CHTF18: variants seen among roughly 807,000 people sequenced by gnomAD.
CHTF18 encodes the protein chromosome transmission fidelity factor 18, also known as chromosome transmission fidelity protein 18 homolog.
CHTF18 carries 151 observed loss-of-function variants against 113.4 expected under a neutral mutation model. The ratio of observed to expected loss-of-function variants is 1.33; its 90% CI spans 1.17 to 1.52. The LOEUF is 1.52. Ranked by LOEUF, CHTF18 falls within the 40% of genes most tolerant of loss-of-function variation. The pLI is 0.00. For missense variants in CHTF18, 1,982 were observed against 1,381.6 expected, an observed-to-expected ratio of 1.43 and a Z score of -6.89; for synonymous variants, 916 against 598.8, an observed-to-expected ratio of 1.53 and a Z score of -7.74.
intron 16 of CHTF18, 93 bp downstream of exon 16, chr16:795,449 CCAAACACACTGCCCG>C (rs1567403753): frequency 4.4e-5 from 22 of 505,358 alleles, no homozygotes; most frequent in Admixed American, 3.7e-4. Context: ...GCCCGCCCCC[CCAAACACACTGCCCG>C]TGTGGCTGCC....
At position 788,950 on chromosome 16, in the gene CHTF18, C is replaced by T. The variant is rs777485003; in HGVS notation, c.111C>T (p.Pro37=). The T allele has an allele frequency of 1.3e-6, 2 of 1,562,648 alleles. No individual in the cohort carries two copies. Among genetic ancestry groups the T allele is most frequent in the Middle Eastern group, 2.3e-4 (1 of 4,394 alleles). The stretch of plus-strand genomic sequence containing the variant: ...CAGCAGGGGCGTCGACTCCGTCGCC[C>T]TCCGGGGTCCCCCTGTTCACCGCGG... ...AELEGASTPS[P]SGVPLFTAGR... The change falls in exon 2 of 22, where the codon CCC becomes CCT. Residue 37 remains proline, a synonymous_variant. Transcript: ENST00000262315.
chr16:789,039 C>T lies in CHTF18; in HGVS notation c.200C>T (p.Pro67Leu), dbSNP rs1357548312. 40 of 1,539,136 alleles carry T rather than the reference C, an allele frequency of 2.6e-5. No individual in the cohort carries two copies. Among genetic ancestry groups the T allele is most frequent in the East Asian group, 1.2e-4 (5 of 40,942 alleles). The change falls in exon 2 of 22, where the codon CCA becomes CTA. Residue 67 changes from proline (P) to leucine (L), a missense_variant. Transcript: ENST00000262315. ...ARGDAASSPA[P>L]AASVGSSQGG... ...GGGGACGCGGCCTCCAGTCCCGCCC[C>T]AGCCGCATCTGTGGGCAGCAGCCAG... is the stretch of plus-strand genomic sequence containing the variant.
At chr16:790,702 C>A (rs139716378) in intron 7 of CHTF18, 36 bp downstream of exon 7, 1 of 1,496,638 alleles carries the variant, frequency 6.7e-7, no homozygotes, top group Non-Finnish European at 8.8e-7. Flanking sequence ...TGGCTGGCTT[C>A]CTCTGTTCCC....
Position 789,535 on chromosome 16 carries a change from G to A in CHTF18, c.438-12G>A. The A allele has an allele frequency of 6.3e-7, 1 of 1,587,786 alleles. No individual in the cohort carries two copies. The highest frequency in any genetic ancestry group is 8.6e-7 in the Non-Finnish European group (1 of 1,166,488). On this transcript the variant is annotated splice_polypyrimidine_tract_variant and intron_variant, in intron 3 of 21. Coordinates refer to ENST00000262315, the MANE Select transcript of CHTF18 (RefSeq NM_022092.3). ...CTTGAGTTTCTGCCACTGAGCCCCG[G>A]TCTCTCTCCAGAGTCTCAGAAGCTG...
chr16:790,240 G>T lies in CHTF18; in HGVS notation c.670G>T (p.Ala224Ser). The change falls in exon 5 of 22, where the codon GCC becomes TCC. Residue 224 changes from alanine (A) to serine (S), a missense_variant. Ala to Ser is a moderately conservative substitution (Grantham distance 99). Coordinates refer to ENST00000262315, the MANE Select transcript of CHTF18 (RefSeq NM_022092.3). ...GQLDLLGVSLASLKKQVDGER... is the reference protein window; with the variant it reads ...GQLDLLGVSLSSLKKQVDGER... ...GCTGGACCTGCTGGGTGTGTCCTTAGCCTCCCTGAAGAAGCAGGTCGACGG... is the reference window on the plus strand; with the variant it reads ...GCTGGACCTGCTGGGTGTGTCCTTATCCTCCCTGAAGAAGCAGGTCGACGG... The T allele has an allele frequency of 1.2e-6, 2 of 1,606,866 alleles. No individual in the cohort carries two copies. Among genetic ancestry groups the T allele is most frequent in the Non-Finnish European group, 1.7e-6 (2 of 1,177,598 alleles).
chr16:792,768 T>A lies in CHTF18; in HGVS notation c.1529T>A (p.Phe510Tyr), dbSNP rs773993658. The change falls in exon 12 of 22, where the codon TTC becomes TAC. Residue 510 changes from phenylalanine to tyrosine, a missense_variant. Coordinates refer to ENST00000262315, the MANE Select transcript of CHTF18 (RefSeq NM_022092.3). ...QLKQQAFLLH[F>Y]PPTLPSRLVQ... The stretch of plus-strand genomic sequence containing the variant: ...AAGCAGCAGGCCTTCCTGCTCCACT[T>A]CCCGCCGACTCTGCCCTCGAGGCTG... 1.2e-5 allele frequency: 18 copies of A among 1,547,502 alleles called. No individual in the cohort carries two copies. The highest frequency in any genetic ancestry group is 1.4e-5 in the Non-Finnish European group (16 of 1,150,740).
At position 793,342 on chromosome 16, in the gene CHTF18, T is replaced by C. The variant is rs2042254197; in HGVS notation, c.1802+68T>C. 21 of 1,562,868 alleles carry C rather than the reference T, an allele frequency of 1.3e-5. No homozygotes were observed. The South Asian group carries it at 2.4e-4, about 18-fold the overall frequency. On this transcript the variant is annotated intron_variant, in intron 14 of 21. Coordinates refer to ENST00000262315, the MANE Select transcript of CHTF18 (RefSeq NM_022092.3). ...CGGACCTCAGGACGCTAGCCCTGTG[T>C]GCAGGCCAGCACTACCTTCGAGGCG... is the stretch of plus-strand genomic sequence containing the variant.
At chr16:797,246 A>G (rs1026615011) in intron 20 of CHTF18, among the ~76,000 whole-genome samples, 154 bp downstream of exon 20, 1 of 140,124 alleles carries the variant, frequency 7.1e-6, no homozygotes, top group Non-Finnish European at 1.5e-5. Context: ...GGGCCAGGGT[A>G]CCTTCAGGGC....
Position 795,967 on chromosome 16 carries a change from C to T in CHTF18, c.2346C>T (p.Ser782=), listed in dbSNP as rs770639775. 1 of 1,609,588 alleles carries T rather than the reference C, an allele frequency of 6.2e-7. No individual in the cohort carries two copies. Among genetic ancestry groups the T allele is most frequent in the Non-Finnish European group, 8.5e-7 (1 of 1,178,630 alleles). ...KLRPVSTQLY[S]TREKQQLASL... is the part of the protein sequence containing the mutation. ...CCTAGGTGAGCACACAGCTGTACAG[C>T]ACCCGTGAAAAGCAACAGCTGGCCA... is the stretch of plus-strand genomic sequence containing the variant. The change falls in exon 18 of 22, where the codon AGC becomes AGT. Residue 782 remains serine (S), a synonymous_variant. Coordinates refer to ENST00000262315, the MANE Select transcript of CHTF18 (RefSeq NM_022092.3).
In CHTF18 at chr16:795,287, C is replaced by T. The variant is rs536505886; in HGVS notation, c.2106C>T (p.Pro702=). Residue 702 remains proline (P), a synonymous_variant, in exon 16 of 22, where the codon CCC becomes CCT. Coordinates refer to ENST00000262315, the MANE Select transcript of CHTF18 (RefSeq NM_022092.3). ...FQLLRYPPFL[P]VAFHVLFASS... is the part of the protein sequence containing the mutation. ...TGCTGCGCTACCCACCCTTCCTGCC[C>T]GTGGCCTTCCATGTGCTGTTTGCTT... is the stretch of plus-strand genomic sequence containing the variant. The T allele has an allele frequency of 1.4e-4, 218 of 1,548,872 alleles. 1 individual carries two copies. Among genetic ancestry groups the T allele is most frequent in the Middle Eastern group, 2.0e-4 (1 of 5,072 alleles).
chr16:793,199 G>A lies in CHTF18; in HGVS notation c.1727G>A (p.Arg576His), dbSNP rs199722031. The change falls in exon 14 of 22, where the codon CGC becomes CAC. Residue 576 changes from arginine (R) to histidine (H), a missense_variant. By Grantham distance (29) the Arg-to-His change is conservative. Coordinates refer to ENST00000262315, the MANE Select transcript of CHTF18 (RefSeq NM_022092.3). ...ELSVRDVQAT[R>H]VGLKDQRRGL... ...AGCGTGCGGGACGTGCAGGCCACAC[G>A]CGTGGGCCTCAAGGACCAGCGCAGA... The A allele has an allele frequency of 1.9e-5, 30 of 1,608,914 alleles. No homozygotes were observed. The highest frequency in any genetic ancestry group is 1.7e-4 in the Admixed American group (10 of 59,672).
Position 791,264 on chromosome 16 carries a change from G to C in CHTF18, c.998G>C (p.Arg333Pro), listed in dbSNP as rs780261830. Reference sequence around the variant, plus strand: ...CCCAGGCCCAGTGTTGAGCCGGCCCGGGTCAGCAAGGAGGCCACAGCCCCA... The same window carrying C: ...CCCAGGCCCAGTGTTGAGCCGGCCCCGGTCAGCAAGGAGGCCACAGCCCCA... Reference protein sequence around the residue: ...RKPRPSVEPARVSKEATAPGK... With the variant: ...RKPRPSVEPAPVSKEATAPGK... The change falls in exon 8 of 22, where the codon CGG becomes CCG. Residue 333 changes from arginine (R) to proline (P), a missense_variant. Transcript: ENST00000262315. 1.4e-5 allele frequency: 22 copies of C among 1,610,438 alleles called. No homozygotes were observed. Among genetic ancestry groups the C allele is most frequent in the Non-Finnish European group, 1.9e-5 (22 of 1,179,272 alleles).
At position 793,224 on chromosome 16, in the gene CHTF18, A is replaced by T. The variant is rs764334963; in HGVS notation, c.1752A>T (p.Arg584Ser). ...GCGTGGGCCTCAAGGACCAGCGCAGAGGGCTCTTCTCGGTGTGGCAGGAGG... is the reference window on the plus strand; with the variant it reads ...GCGTGGGCCTCAAGGACCAGCGCAGTGGGCTCTTCTCGGTGTGGCAGGAGG... Reference protein sequence around the residue: ...ATRVGLKDQRRGLFSVWQEVF... With the variant: ...ATRVGLKDQRSGLFSVWQEVF... The change falls in exon 14 of 22, where the codon AGA (arginine) becomes AGT (serine). Residue 584 changes from arginine to serine, a missense_variant. Transcript: ENST00000262315. 3.1e-6 allele frequency: 5 copies of T among 1,608,776 alleles called. No homozygotes were observed. The highest frequency in any genetic ancestry group is 4.2e-6 in the Non-Finnish European group (5 of 1,178,896).
At chr16:793,927 A>C in intron 14 of CHTF18, 127 bp from the exon 15 acceptor site, 1 of 1,061,992 alleles carries the variant, frequency 9.4e-7, no homozygotes, top group Non-Finnish European at 1.4e-6. Flanking sequence ...GCGAGGCAGC[A>C]AGGGCCCTGC....
In CHTF18 at chr16:793,632, C is replaced by T. The variant is rs1172572171; in HGVS notation, c.1802+358C>T. On this transcript the variant is annotated intron_variant, in intron 14 of 21. Transcript: ENST00000262315. ...TGTGGTCTCTGAGCCCCTGCCTGCCCACACTGCTTGGCCTCCCGTGGGCAG... is the reference window on the plus strand; with the variant it reads ...TGTGGTCTCTGAGCCCCTGCCTGCCTACACTGCTTGGCCTCCCGTGGGCAG... The T allele has an allele frequency of 7.7e-6, 4 of 522,338 alleles. No homozygotes were observed. The South Asian group carries it at 7.9e-5, about 10-fold the overall frequency. 32.4% of individuals were successfully genotyped at this position (522,338 alleles called of 1,614,324 possible). A position where few individuals can be genotyped will look rare whatever the true frequency, so the allele number is the denominator to read the frequency against.
In CHTF18 at chr16:795,400, G is replaced by C. The variant is rs777535948; in HGVS notation, c.2175+44G>C. The stretch of plus-strand genomic sequence containing the variant: ...CACGCCTGCCCCCGGCCCCGTGCCC[G>C]CCCCCCTGTGCTGCCCGTGTGGCTG... On this transcript the variant is annotated intron_variant, in intron 16 of 21. Transcript: ENST00000262315. 5.1e-4 allele frequency: 662 copies of C among 1,302,564 alleles called. 1 individual carries two copies. Among genetic ancestry groups the C allele is most frequent in the East Asian group, 1.2e-3 (39 of 32,434 alleles). The allele number at this position is 1,302,564 out of a possible 1,614,324, so 80.7% of individuals were successfully genotyped here.
In CHTF18 at chr16:789,569, G is replaced by T. The variant is rs201215455; in HGVS notation, c.460G>T (p.Val154Leu). The T allele has an allele frequency of 5.6e-6, 9 of 1,604,080 alleles. No homozygotes were observed. The South Asian group carries it at 6.6e-5, about 12-fold the overall frequency. Residue 154 changes from valine to leucine, a missense_variant, in exon 4 of 22, where the codon GTG (valine) becomes TTG (leucine). Val to Leu is a conservative substitution (Grantham distance 32, BLOSUM62 1). Coordinates refer to ENST00000262315, the MANE Select transcript of CHTF18 (RefSeq NM_022092.3). The part of the protein sequence containing the change: ...GHGVSEAAAD[V>L]GLTRASPAAR... ...CAGAGTCTCAGAAGCTGCTGCCGAC[G>T]TGGGTCTCACACGGGCCTCACCAGC...
In CHTF18 at chr16:790,586, G is replaced by A; in HGVS notation, c.814G>A (p.Asp272Asn). 1 of 1,596,424 alleles carries A rather than the reference G, an allele frequency of 6.3e-7. No individual in the cohort carries two copies. The highest frequency in any genetic ancestry group is 8.5e-7 in the Non-Finnish European group (1 of 1,172,552). Residue 272 changes from aspartate to asparagine, a missense_variant, in exon 7 of 22, where the codon GAC becomes AAC. Physicochemically the swap from Asp to Asn is conservative, Grantham distance 23. Coordinates refer to ENST00000262315, the MANE Select transcript of CHTF18 (RefSeq NM_022092.3). ...GGGGGCCCCTGAGGAGGAGCCGACT[G>A]ACGGTCAAGACGCCTCCAGTCACTG... ...PLGAPEEEPT[D>N]GQDASSHCLW...
Position 788,895 on chromosome 16 carries a change from C to T in CHTF18, c.92-36C>T, listed in dbSNP as rs769594630. The T allele has an allele frequency of 8.0e-6, 12 of 1,506,080 alleles. No homozygotes were observed. The African/African-American group carries it at 1.3e-4, about 16-fold the overall frequency. 93.3% of individuals were successfully genotyped at this position (1,506,080 alleles called of 1,614,324 possible). The stretch of plus-strand genomic sequence containing the variant: ...CGTCGCCGCTGGCGGGATCTGCTGT[C>T]TCGGGGCGGCCGCTGACAATCTCCT... On this transcript the variant is annotated intron_variant, in intron 1 of 21. Transcript: ENST00000262315.
Sources: allele counts gnomAD v4.1 joint callset (sites outside exome capture counted in the v4.1 genomes callset), GRCh38; gene constraint gnomAD v4.1.1; transcripts MANE v1.5; gene names NCBI Gene and HGNC (gene_info 2026-07-23, HGNC 2026-07-21).